SPATA22: variants seen among roughly 807,000 people sequenced by gnomAD.
SPATA22 encodes spermatogenesis-associated protein 22.
Under a neutral mutation model 47.8 loss-of-function variants are expected in SPATA22, and 29 were observed. The ratio of observed to expected loss-of-function variants is 0.61; its 90% CI spans 0.45 to 0.83. The LOEUF (loss-of-function observed/expected upper bound fraction) is 0.83. Among genes scored for constraint, SPATA22 ranks in the 40% least tolerant of loss-of-function variants. The pLI, the probability that SPATA22 is intolerant of heterozygous loss-of-function variation, is 0.00. For missense variants in SPATA22, 410 were observed against 421.7 expected, an observed-to-expected ratio of 0.97 and a Z score of 0.24; for synonymous variants, 133 against 140.9, an observed-to-expected ratio of 0.94 and a Z score of 0.40.
intron 3 of SPATA22, among the ~76,000 whole-genome samples, chr17:3,465,039 G>T (rs1236243835): frequency 1.5e-5 from 2 of 131,152 alleles, no homozygotes; most frequent in Admixed American, 7.4e-5. Flanking sequence ...CCCCCAGCCC[G>T]GCCAGCCGCC....
At chr17:3,489,369 C>A in intron 1 of SPATA22, 2 of 1,511,752 alleles carry the variant, frequency 1.3e-6, no homozygotes, top group South Asian at 2.3e-5. Context: ...GTAACGTTAT[C>A]AAACTTAACC....
Position 3,448,897 on chromosome 17 carries a change from G to A in SPATA22, c.582C>T (p.Asn194=), listed in dbSNP as rs2072788764. 3.1e-6 allele frequency: 5 copies of A among 1,614,008 alleles called. No homozygotes were observed. Among genetic ancestry groups the A allele is most frequent in the Non-Finnish European group, 4.2e-6 (5 of 1,179,934 alleles). ...TGGGCTTAAGTGTCTGTAGTGCACT[G>A]TTTTTGTCTAGCCCTCTCATTGTGC... is the stretch of plus-strand genomic sequence containing the variant. ...SGCTMRGLDK[N]SALQTLKPNF... The change falls in exon 6 of 9, where the codon AAC becomes AAT. Residue 194 remains asparagine (N), a synonymous_variant. Coordinates refer to ENST00000572969, the MANE Select transcript of SPATA22 (RefSeq NM_001170698.2).
intron 1 of SPATA22, among the ~76,000 whole-genome samples, chr17:3,507,786 C>T (rs1021932458): frequency 2.0e-5 from 3 of 152,148 alleles, no homozygotes; most frequent in East Asian, 3.8e-4. Context: ...AAAGGCTGAA[C>T]GCATTGAAGG....
At chr17:3,449,225 C>G in intron 5 of SPATA22, 76 bp from the exon 6 acceptor site, 1 of 1,093,584 alleles carries the variant, frequency 9.1e-7, no homozygotes. Flanking sequence ...ATGAAAAATT[C>G]ATTTATATGG....
chr17:3,446,746 C>T (rs774027198), intron 6 of SPATA22, 145 bp from the exon 7 acceptor site: 21 of 646,224 alleles, frequency 3.2e-5, no homozygotes, highest in Non-Finnish European at 5.1e-5. Context: ...AGTTACTTCC[C>T]TAAAATAAGG....
intron 5 of SPATA22, among the ~76,000 whole-genome samples, chr17:3,452,784 G>A (rs145036452): frequency 6.6e-6 from 1 of 152,044 alleles, no homozygotes; most frequent in Non-Finnish European, 1.5e-5. Context: ...GGATAACACA[G>A]AAGAAATGGA....
chr17:3,498,347 C>CT lies in SPATA22; in HGVS notation c.-74+15064dup, dbSNP rs574497287. Among the ~76,000 whole-genome samples the CT allele has an allele frequency of 3.4e-3, 513 of 152,078 alleles. 10 individuals carry two copies. The highest frequency in any genetic ancestry group is 0.014 in the Middle Eastern group (4 of 294). On this transcript the variant is annotated intron_variant, in intron 1 of 8. Transcript: ENST00000541913. ...GGTAAACCTGGTATTGAAGCAAACT[C>CT]TTTTTTATTTTTTTTTAGAGACAGG...
At chr17:3,462,851 G>A (rs2073160119) in intron 3 of SPATA22, 84 bp from the exon 4 acceptor site, 1 of 1,155,952 alleles carries the variant, frequency 8.7e-7, no homozygotes, top group Non-Finnish European at 1.3e-6. Flanking sequence ...TAATTTGGAG[G>A]GTTTAAAAAC....
At position 3,462,555 on chromosome 17, in the gene SPATA22, C is replaced by T. The variant is rs556466396; in HGVS notation, c.257G>A (p.Arg86His). Reference protein sequence around the residue: ...DTGQIPHSVSRPLRSQDSVFN... With the variant: ...DTGQIPHSVSHPLRSQDSVFN... ...GACAGAATCTTGACTTCTCAGAGGA[C>T]GAGAAACTGAATGTGGTATTTGCCT... Residue 86 changes from arginine to histidine, a missense_variant, in exon 5 of 9, where the codon CGT becomes CAT. Physicochemically the swap from Arg to His is conservative, Grantham distance 29 (BLOSUM62 0). Coordinates refer to ENST00000572969, the MANE Select transcript of SPATA22 (RefSeq NM_001170698.2). 3.4e-5 allele frequency: 55 copies of T among 1,613,058 alleles called. No homozygotes were observed. Among genetic ancestry groups the T allele is most frequent in the African/African-American group, 6.7e-5 (5 of 74,968 alleles).
At chr17:3,466,764 G>T (rs1270119511) in intron 3 of SPATA22, among the ~76,000 whole-genome samples, 4 of 152,190 alleles carry the variant, frequency 2.6e-5, no homozygotes, top group Admixed American at 6.5e-5. Flanking sequence ...CATGACAGAA[G>T]GACGGAAAAG....
At chr17:3,506,673 C>CAG (rs1446021342) in intron 1 of SPATA22, among the ~76,000 whole-genome samples, 1 of 152,228 alleles carries the variant, frequency 6.6e-6, no homozygotes, top group Non-Finnish European at 1.5e-5. Flanking sequence ...GGGCCACGCA[C>CAG]AGGGACCTGT....
At chr17:3,478,197 A>G (rs2073565554) in intron 1 of SPATA22, among the ~76,000 whole-genome samples, 2 of 151,530 alleles carry the variant, frequency 1.3e-5, no homozygotes, top group Non-Finnish European at 2.9e-5. Context: ...AAAAAAAAAT[A>G]TATATATATA....
At chr17:3,475,943 T>C (rs538501681), upstream of SPATA22, 11 of 572,296 alleles carry the variant, frequency 1.9e-5, no homozygotes, top group East Asian at 5.9e-5. Flanking sequence ...CATATTTTAA[T>C]CCAAATATGG....
chr17:3,449,058 C>G lies in SPATA22; in HGVS notation c.421G>C (p.Asp141His). 6.2e-7 allele frequency: 1 copy of G among 1,613,862 alleles called. No homozygotes were observed. The highest frequency in any genetic ancestry group is 1.1e-5 in the South Asian group (1 of 91,060). ...CTCACTGGACAAGAATTTTTTCCATCATTTGCCACTAAGTTTGTTCGTTTA... is the reference window on the plus strand; with the variant it reads ...CTCACTGGACAAGAATTTTTTCCATGATTTGCCACTAAGTTTGTTCGTTTA... ...QCKRTNLVAN[D>H]GKNSCPVSSG... is the part of the protein sequence containing the mutation. The change falls in exon 6 of 9, where the codon GAT becomes CAT. Residue 141 changes from aspartate (D) to histidine (H), a missense_variant. Physicochemically the swap from Asp to His is moderately conservative, Grantham distance 81. Coordinates refer to ENST00000572969, the MANE Select transcript of SPATA22 (RefSeq NM_001170698.2).
intron 1 of SPATA22, chr17:3,489,379 C>T: frequency 2.7e-6 from 4 of 1,487,292 alleles, no homozygotes; most frequent in Non-Finnish European, 3.8e-6. Flanking sequence ...CAAACTTAAC[C>T]ACCAAACATT....
intron 1 of SPATA22, among the ~76,000 whole-genome samples, chr17:3,492,839 CA>C (rs2073847701): frequency 6.6e-6 from 1 of 152,028 alleles, no homozygotes; most frequent in Non-Finnish European, 1.5e-5. Context: ...AAGGCAGGAG[CA>C]AAACAATAAA....
intron 1 of SPATA22, chr17:3,502,037 G>A (rs1048940567): frequency 4.6e-5 from 7 of 152,200 alleles, no homozygotes; most frequent in East Asian, 1.9e-4. Context: ...AATCTTTCAC[G>A]AAAGGAAGAG....
intron 1 of SPATA22, chr17:3,499,618 T>C (rs1479788752): frequency 6.6e-6 from 1 of 152,472 alleles, no homozygotes; most frequent in African/African-American, 2.4e-5. Context: ...TGGTGATCTG[T>C]GATCAGTGGC....
intron 1 of SPATA22, among the ~76,000 whole-genome samples, chr17:3,484,706 A>G (rs1191080061): frequency 6.6e-6 from 1 of 152,266 alleles, no homozygotes; most frequent in Non-Finnish European, 1.5e-5. Flanking sequence ...GCAATGTCAA[A>G]TTGCTATAAA....
Sources: gnomAD v4.1 joint callset for allele counts (sites outside exome capture counted in the v4.1 genomes callset) on GRCh38, gnomAD v4.1.1 for gene constraint, MANE v1.5 for transcripts, NCBI Gene and HGNC (gene_info 2026-07-23, HGNC 2026-07-21) for gene names.